PRH1: variants seen among roughly 807,000 people sequenced by gnomAD.
The protein encoded by PRH1 is salivary acidic proline-rich phosphoprotein 1/2.
Under a neutral mutation model 7.9 loss-of-function variants are expected in PRH1, and 7 were observed. That is an observed-to-expected ratio of 0.89 (90% confidence interval 0.50 to 1.67). PRH1 has a LOEUF of 1.67. Among genes scored for constraint, PRH1 ranks in the 40% most tolerant of loss-of-function variants. The pLI is 0.00. For synonymous variants in PRH1, 45 were observed against 80.8 expected (o/e 0.56, Z 2.38); for missense variants, 109 against 223.6 (o/e 0.49, Z 3.27).
intron 1 of PRH1, chr12:10,985,865 A>G (rs537143516): frequency 1.5e-6 from 2 of 1,292,806 alleles, no homozygotes; most frequent in East Asian, 2.3e-5. Context: ...TAAAAAGTAT[A>G]AAATGTTCCA....
At position 11,096,943 on chromosome 12, in the gene PRH1, AC is replaced by A. The variant is rs2136274034; in HGVS notation, n.124-49756del. ...CTCCCAAGTAGCTGGGACTACAGGCACCCACCACCACGCTCGGCTAATTTTT... is the reference window on the plus strand; with the variant it reads ...CTCCCAAGTAGCTGGGACTACAGGCACCACCACCACGCTCGGCTAATTTTT... On this transcript the variant is annotated intron_variant and non_coding_transcript_variant, in intron 1 of 4. Coordinates refer to the PRH1 transcript ENST00000541977. 3.6e-5 allele frequency among the ~76,000 whole-genome samples: 4 copies of A among 112,294 alleles called. 1 individual carries two copies. In the South Asian group the frequency reaches 9.7e-4, roughly 27 times the overall value. 73.7% of individuals were successfully genotyped at this position (112,294 alleles called of 152,430 possible).
intron 2 of PRH1, among the ~76,000 whole-genome samples, chr12:10,968,411 T>C (rs140444913): frequency 6.6e-6 from 1 of 152,314 alleles, no homozygotes; most frequent in East Asian, 1.9e-4. Context: ...AAAAGTAAAT[T>C]ATTTAATGGG....
chr12:11,064,489 T>G (rs1409558797), intron 1 of PRH1, among the ~76,000 whole-genome samples: 1 of 152,138 alleles, frequency 6.6e-6, no homozygotes, highest in Non-Finnish European at 1.5e-5. Flanking sequence ...ATATATCATT[T>G]GATGCAATTC....
At chr12:10,913,221 A>C (rs1949925375) in intron 2 of PRH1, among the ~76,000 whole-genome samples, 1 of 152,184 alleles carries the variant, frequency 6.6e-6, no homozygotes, top group African/African-American at 2.4e-5. Context: ...TGGGAGGCCG[A>C]GGCGGGTGGA....
intron 1 of PRH1, chr12:11,091,143 T>TATATATATATATATATATATATATATATA (rs1565644368): frequency 3.3e-5 from 2 of 61,176 alleles, no homozygotes; most frequent in South Asian, 8.0e-4. Flanking sequence ...TATATATATA[T>TATATATATATATATATATATATATATATA]TTTCTAGACT....
intron 1 of PRH1, chr12:11,078,563 A>C (rs1944389690): frequency 6.6e-6 from 1 of 152,040 alleles, no homozygotes; most frequent in Non-Finnish European, 1.5e-5. Context: ...TTCATGTGTT[A>C]GTATGCAAAT....
At chr12:11,048,161 T>TAGATAGATAGATAG (rs543109079), upstream of PRH1, among the ~76,000 whole-genome samples, 2 of 139,092 alleles carry the variant, frequency 1.4e-5, no homozygotes, top group African/African-American at 5.2e-5. Flanking sequence ...TGTGTGTGTG[T>TAGATAGATAGATAG]ATAGATAGAT....
intron 1 of PRH1, among the ~76,000 whole-genome samples, chr12:11,018,627 G>A (rs1941418938): frequency 6.6e-6 from 1 of 152,268 alleles, no homozygotes. Flanking sequence ...CTTGCTGGAA[G>A]GGGCACAAAG....
At chr12:11,003,552 A>C (rs1940690957) in intron 1 of PRH1, among the ~76,000 whole-genome samples, 1 of 151,980 alleles carries the variant, frequency 6.6e-6, no homozygotes, top group African/African-American at 2.4e-5. Context: ...CCAATGTAAT[A>C]AATTATAAGA....
At chr12:10,964,011 G>C (rs181663662) in intron 2 of PRH1, among the ~76,000 whole-genome samples, 1 of 152,222 alleles carries the variant, frequency 6.6e-6, no homozygotes, top group Admixed American at 6.5e-5. Context: ...ACATACGTAT[G>C]GTACAAATAA....
chr12:10,998,878 T>A (rs150760763), intron 1 of PRH1, among the ~76,000 whole-genome samples: 1 of 152,234 alleles, frequency 6.6e-6, no homozygotes, highest in East Asian at 1.9e-4. Context: ...ACACTTTACA[T>A]CGAAATTTGA....
intron 1 of PRH1, chr12:11,091,946 C>T: frequency 8.1e-7 from 1 of 1,229,174 alleles, no homozygotes; most frequent in South Asian, 1.2e-5. Flanking sequence ...AAGCCAGTTG[C>T]TGAAATGGTT....
intron 2 of PRH1, chr12:10,939,029 C>T (rs1476828012): frequency 6.2e-7 from 1 of 1,613,686 alleles, no homozygotes; most frequent in East Asian, 2.2e-5. Flanking sequence ...GAATATTAAC[C>T]AAACCAGGCT....
At chr12:10,984,998 T>C (rs1164581530) in intron 1 of PRH1, among the ~76,000 whole-genome samples, 1 of 152,046 alleles carries the variant, frequency 6.6e-6, no homozygotes, top group Non-Finnish European at 1.5e-5. Context: ...AGTTCTTTTA[T>C]GTGAAGTTTA....
rs1442477042 is a variant in PRH1, at chr12:10,929,187, G to A, written c.-59+44468C>T. Reference sequence around the variant, plus strand: ...GGCCCACCTGGTAGGGAGCTCAAATGCGCCATTGTCCTGCTTGTCTTTATA... The same window carrying A: ...GGCCCACCTGGTAGGGAGCTCAAATACGCCATTGTCCTGCTTGTCTTTATA... On this transcript the variant is annotated intron_variant, in intron 2 of 3. Transcript: ENST00000539853. 38 of 1,587,800 alleles carry A rather than the reference G, an allele frequency of 2.4e-5. 1 individual carries two copies. Among genetic ancestry groups the A allele is most frequent in the Non-Finnish European group, 2.5e-5 (29 of 1,158,198 alleles).
chr12:10,908,656 T>C (rs776703676), intron 2 of PRH1: 8 of 1,613,954 alleles, frequency 5.0e-6, no homozygotes, highest in Non-Finnish European at 6.8e-6. Flanking sequence ...CCTTTGTAAT[T>C]GAGTTGCATT....
chr12:11,041,577 C>G (rs1489940805), intron 1 of PRH1, among the ~76,000 whole-genome samples: 1 of 152,176 alleles, frequency 6.6e-6, no homozygotes, highest in African/African-American at 2.4e-5. Context: ...ATCCTCCAGA[C>G]AGAAAATCAA....
chr12:11,073,582 C>T (rs1216065743), intron 1 of PRH1, among the ~76,000 whole-genome samples: 1 of 151,690 alleles, frequency 6.6e-6, no homozygotes, highest in Non-Finnish European at 1.5e-5. Flanking sequence ...TAATAAAGTC[C>T]TTTTTAAATC....
chr12:10,937,663 T>C (rs1950311183), intron 2 of PRH1: 1 of 152,156 alleles, frequency 6.6e-6, no homozygotes, highest in South Asian at 2.1e-4. Flanking sequence ...AATGGAGAAG[T>C]AAAATAATCA....
Sources: gnomAD v4.1 joint callset for allele counts (sites outside exome capture counted in the v4.1 genomes callset) on GRCh38, gnomAD v4.1.1 for gene constraint, MANE v1.5 for transcripts, NCBI Gene and HGNC (gene_info 2026-07-23, HGNC 2026-07-21) for gene names.